EPB41L5: variants seen among roughly 807,000 people sequenced by gnomAD.
EPB41L5 encodes band 4.1-like protein 5.
EPB41L5 carries 55 observed loss-of-function variants against 106.6 expected under a neutral mutation model. The ratio of observed to expected loss-of-function variants is 0.52; its 90% CI spans 0.42 to 0.65. The LOEUF is 0.65. Ranked by LOEUF, EPB41L5 falls within the 30% of genes least tolerant of loss-of-function variation. The probability of loss-of-function intolerance (pLI) is 0.00; values close to 1 mark genes in which losing one functional copy is unlikely to be tolerated. For missense variants in EPB41L5, 871 were observed against 882.1 expected (o/e 0.99, Z 0.16); for synonymous variants, 297 against 306.7 (o/e 0.97, Z 0.33).
chr2:120,103,853 G>T (rs2105406468), intron 16 of EPB41L5, among the ~76,000 whole-genome samples: 1 of 152,052 alleles, frequency 6.6e-6, no homozygotes, highest in East Asian at 1.9e-4. Flanking sequence ...TTTCCATATT[G>T]GTATTTTTCA....
intron 2 of EPB41L5, among the ~76,000 whole-genome samples, chr2:120,038,637 C>T (rs760222708): frequency 6.6e-6 from 1 of 152,136 alleles, no homozygotes; most frequent in Non-Finnish European, 1.5e-5. Flanking sequence ...CACCTTAGTC[C>T]CAGCTACTTG....
At chr2:120,088,913 A>T (rs772695292) in intron 11 of EPB41L5, among the ~76,000 whole-genome samples, 5 of 152,148 alleles carry the variant, frequency 3.3e-5, no homozygotes, top group Non-Finnish European at 7.4e-5. Flanking sequence ...TTATTTTTCT[A>T]TTAGGTCATG....
intron 10 of EPB41L5, among the ~76,000 whole-genome samples, chr2:120,083,784 C>T (rs1409095754): frequency 6.6e-6 from 1 of 152,130 alleles, no homozygotes; most frequent in African/African-American, 2.4e-5. Context: ...CTGGGTGCTC[C>T]TGTATTGGGT....
intron 16 of EPB41L5, among the ~76,000 whole-genome samples, chr2:120,102,762 A>C (rs926701099): frequency 4.6e-5 from 7 of 152,220 alleles, no homozygotes; most frequent in African/African-American, 1.7e-4. Flanking sequence ...TTATTAGAGC[A>C]AATGATTTGG....
At position 120,042,695 on chromosome 2, in the gene EPB41L5, T is replaced by A. The variant is rs576300603; in HGVS notation, c.285+585T>A. 1.9e-4 allele frequency among the ~76,000 whole-genome samples: 29 copies of A among 152,190 alleles called. 1 individual carries two copies. Among genetic ancestry groups the A allele is most frequent in the African/African-American group, 7.0e-4 (29 of 41,530 alleles). On this transcript the variant is annotated intron_variant, in intron 3 of 24. Coordinates refer to ENST00000263713, the MANE Select transcript of EPB41L5 (RefSeq NM_020909.4). ...GAAAGAAAGTGGCAGATGAAAACATTGGGAGGTGGTTTAGTGGTTATATCA... is the reference window on the plus strand; with the variant it reads ...GAAAGAAAGTGGCAGATGAAAACATAGGGAGGTGGTTTAGTGGTTATATCA...
chr2:120,101,275 A>T (rs1336494150), intron 16 of EPB41L5, among the ~76,000 whole-genome samples: 1 of 152,218 alleles, frequency 6.6e-6, no homozygotes, highest in Non-Finnish European at 1.5e-5. Flanking sequence ...TTAAAATCTG[A>T]TAAAGCATGA....
chr2:120,093,127 A>G, intron 13 of EPB41L5, 122 bp from the exon 14 acceptor site: 1 of 848,310 alleles, frequency 1.2e-6, no homozygotes, highest in Non-Finnish European at 2.0e-6. Context: ...TTCTCAAAGA[A>G]ATAAATTTAT....
intron 3 of EPB41L5, among the ~76,000 whole-genome samples, chr2:120,058,047 A>G (rs1680778930): frequency 6.6e-6 from 1 of 152,152 alleles, no homozygotes; most frequent in Non-Finnish European, 1.5e-5. Context: ...CAGGAGAGCA[A>G]AAGAAGGGAA....
chr2:120,028,531 A>G (rs1474622085), intron 2 of EPB41L5, among the ~76,000 whole-genome samples: 1 of 152,108 alleles, frequency 6.6e-6, no homozygotes, highest in Non-Finnish European at 1.5e-5. Context: ...GAAAAAAACA[A>G]CAAAAGAAAG....
At position 120,136,931 on chromosome 2, in the gene EPB41L5, G is replaced by C. The variant is rs77473505; in HGVS notation, c.1599+5216G>C. ...TAGTGGCAGCAGAACATACATTCTT[G>C]TCCTCAGCGCACAGATTATTCTCAA... On this transcript the variant is annotated intron_variant, in intron 18 of 24. Transcript: ENST00000263713. 7.6e-3 allele frequency among the ~76,000 whole-genome samples: 1,159 copies of C among 151,962 alleles called. 12 individuals carry two copies. Among genetic ancestry groups the C allele is most frequent in the African/African-American group, 0.026 (1,097 of 41,484 alleles).
At chr2:120,016,491 A>G (rs565351195) in intron 1 of EPB41L5, among the ~76,000 whole-genome samples, 3 of 152,170 alleles carry the variant, frequency 2.0e-5, no homozygotes, top group Admixed American at 6.6e-5. Context: ...AAAAAGGCCA[A>G]CGTAGGAGGA....
intron 18 of EPB41L5, among the ~76,000 whole-genome samples, chr2:120,142,540 G>C (rs1029111878): frequency 6.6e-6 from 1 of 152,142 alleles, no homozygotes; most frequent in African/African-American, 2.4e-5. Flanking sequence ...ATGAAAAGTA[G>C]GGCATGAAGT....
chr2:120,028,896 T>C (rs1218393359), intron 2 of EPB41L5, among the ~76,000 whole-genome samples: 1 of 152,100 alleles, frequency 6.6e-6, no homozygotes, highest in East Asian at 1.9e-4. Context: ...TTTGGTGGGA[T>C]GGTGTGTTTG....
chr2:120,095,111 T>C (rs1011743233), intron 14 of EPB41L5, among the ~76,000 whole-genome samples: 6 of 152,216 alleles, frequency 3.9e-5, no homozygotes, highest in Admixed American at 2.6e-4. Context: ...TTTTAATCCG[T>C]TATTGAGAGT....
rs1310345353 is a variant in EPB41L5 at position 120,061,235 on chromosome 2, T to TA, written c.286-11943_286-11942insA. Among the ~76,000 whole-genome samples the TA allele has an allele frequency of 1.3e-4, 20 of 148,210 alleles. No individual in the cohort carries two copies. In the East Asian group the frequency reaches 2.5e-3, roughly 19 times the overall value. ...TTTTGTATTTTTTTTTTTATTTTTT[T>TA]TTTTTGAGACGGAGTCTCGCTCTGT... On this transcript the variant is annotated intron_variant, in intron 3 of 24. Transcript: ENST00000263713.
At chr2:120,098,360 G>A (rs1470234235) in intron 14 of EPB41L5, among the ~76,000 whole-genome samples, 2 of 151,442 alleles carry the variant, frequency 1.3e-5, no homozygotes, top group Non-Finnish European at 2.9e-5. Context: ...CTACAGGCAC[G>A]CACCCTCACA....
intron 3 of EPB41L5, among the ~76,000 whole-genome samples, chr2:120,071,782 A>G (rs912625109): frequency 6.6e-6 from 1 of 152,206 alleles, no homozygotes; most frequent in Non-Finnish European, 1.5e-5. Context: ...TTAACTCAAG[A>G]TGGATTAAAG....
intron 3 of EPB41L5, among the ~76,000 whole-genome samples, chr2:120,053,546 C>G (rs1239204195): frequency 6.6e-6 from 1 of 152,064 alleles, no homozygotes; most frequent in Non-Finnish European, 1.5e-5. Context: ...CTATGGATTG[C>G]CTATTTTGAA....
At chr2:120,077,744 TTTAAG>T (rs1251290460) in intron 9 of EPB41L5, among the ~76,000 whole-genome samples, 2 of 152,170 alleles carry the variant, frequency 1.3e-5, no homozygotes, top group Non-Finnish European at 2.9e-5. Context: ...TTTGTAGTGA[TTTAAG>T]TTATTTCTAG....
Sources: allele counts gnomAD v4.1 joint callset (sites outside exome capture counted in the v4.1 genomes callset), GRCh38; gene constraint gnomAD v4.1.1; transcripts MANE v1.5; gene names NCBI Gene and HGNC (gene_info 2026-07-23, HGNC 2026-07-21).